Variants in GALNTL6 observed in about 807,000 individuals in gnomAD.
GALNTL6 encodes the protein polypeptide N-acetylgalactosaminyltransferase like 6, also known as polypeptide N-acetylgalactosaminyltransferase-like 6.
GALNTL6 carries 46 observed loss-of-function variants against 73.7 expected under a neutral mutation model. The ratio of observed to expected loss-of-function variants is 0.62; its 90% CI spans 0.49 to 0.80. The LOEUF is 0.80. GALNTL6 is among the 30% of genes least tolerant of loss of function. GALNTL6 has a pLI of 0.00. For missense variants in GALNTL6, 604 were observed against 755.0 expected, an observed-to-expected ratio of 0.80 and a Z score of 2.34; for synonymous variants, 259 against 263.7, an observed-to-expected ratio of 0.98 and a Z score of 0.17.
At chr4:172,596,425 A>C (rs936979010) in intron 5 of GALNTL6, among the ~76,000 whole-genome samples, 19 of 150,732 alleles carry the variant, frequency 1.3e-4, no homozygotes, top group African/African-American at 4.4e-4. Flanking sequence ...TGCCTGGGCA[A>C]CAGAGGGAGA....
chr4:172,208,399 ATAAT>A (rs915304301), intron 2 of GALNTL6, among the ~76,000 whole-genome samples: 8 of 152,222 alleles, frequency 5.3e-5, no homozygotes, highest in South Asian at 2.1e-4. Flanking sequence ...TTCTTAAAAC[ATAAT>A]TAAATAAAAG....
At chr4:172,900,437 C>T (rs1218925867) in intron 8 of GALNTL6, among the ~76,000 whole-genome samples, 2 of 152,068 alleles carry the variant, frequency 1.3e-5, no homozygotes, top group African/African-American at 4.8e-5. Context: ...CTTTTGATCC[C>T]TACCTAATGG....
At chr4:171,816,739 T>C (rs1579478401) in intron 2 of GALNTL6, among the ~76,000 whole-genome samples, 1 of 152,110 alleles carries the variant, frequency 6.6e-6, no homozygotes, top group Admixed American at 6.5e-5. Flanking sequence ...TAATGAAAAA[T>C]ATAATTCACT....
chr4:172,797,426 G>A (rs1013575539), intron 5 of GALNTL6, among the ~76,000 whole-genome samples: 7 of 151,868 alleles, frequency 4.6e-5, no homozygotes, highest in Non-Finnish European at 8.8e-5. Flanking sequence ...TTGTATTTTA[G>A]TAGAGACAGG....
intron 2 of GALNTL6, among the ~76,000 whole-genome samples, chr4:171,951,971 G>A (rs903952192): frequency 1.3e-5 from 2 of 151,908 alleles, no homozygotes; most frequent in Non-Finnish European, 2.9e-5. Context: ...TTTTAAAAAT[G>A]AAAGTTTGGA....
chr4:172,048,302 T>TA (rs577131755), intron 2 of GALNTL6, among the ~76,000 whole-genome samples: 89 of 152,102 alleles, frequency 5.9e-4, no homozygotes, highest in African/African-American at 2.1e-3. Context: ...TCCATGAACT[T>TA]AAAAAAAGGG....
chr4:171,848,683 A>G (rs1735439884), intron 2 of GALNTL6, among the ~76,000 whole-genome samples: 1 of 152,178 alleles, frequency 6.6e-6, no homozygotes, highest in Non-Finnish European at 1.5e-5. Flanking sequence ...AAACCTCATG[A>G]ACCAACCTCT....
At chr4:172,209,430 C>A in intron 2 of GALNTL6, among the ~76,000 whole-genome samples, 2 of 123,084 alleles carry the variant, frequency 1.6e-5, no homozygotes. Context: ...AAGGAGGACC[C>A]AGGGTCTCTG....
chr4:172,746,578 T>C (rs1415773499), intron 5 of GALNTL6, among the ~76,000 whole-genome samples: 1 of 152,124 alleles, frequency 6.6e-6, no homozygotes, highest in Non-Finnish European at 1.5e-5. Flanking sequence ...ATTTTGCAGT[T>C]CTTAGCTACC....
chr4:172,583,487 T>G (rs1001351398), intron 5 of GALNTL6, among the ~76,000 whole-genome samples: 7 of 152,230 alleles, frequency 4.6e-5, no homozygotes, highest in African/African-American at 1.7e-4. Flanking sequence ...CCATTTTAAA[T>G]TTTAATATCT....
intron 2 of GALNTL6, among the ~76,000 whole-genome samples, chr4:172,139,717 A>C (rs1415599545): frequency 6.6e-6 from 1 of 152,194 alleles, no homozygotes; most frequent in Non-Finnish European, 1.5e-5. Flanking sequence ...ATATTTCTTC[A>C]AAGGATTGAA....
At chr4:172,041,493 T>G (rs999411979) in intron 2 of GALNTL6, among the ~76,000 whole-genome samples, 1 of 152,116 alleles carries the variant, frequency 6.6e-6, no homozygotes, top group African/African-American at 2.4e-5. Flanking sequence ...TACAGACATT[T>G]GTAATCCACT....
At chr4:172,219,899 C>T (rs565165570) in intron 2 of GALNTL6, among the ~76,000 whole-genome samples, 1 of 151,982 alleles carries the variant, frequency 6.6e-6, no homozygotes, top group African/African-American at 2.4e-5. Context: ...GCTTGCTTAC[C>T]CACGTAAGAA....
chr4:172,772,352 C>G (rs964090628), intron 5 of GALNTL6, among the ~76,000 whole-genome samples: 1 of 152,194 alleles, frequency 6.6e-6, no homozygotes, highest in African/African-American at 2.4e-5. Context: ...TAAAGCTAAT[C>G]TAGATGCCTC....
intron 2 of GALNTL6, among the ~76,000 whole-genome samples, chr4:172,000,974 T>C (rs1302271574): frequency 6.6e-6 from 1 of 152,164 alleles, no homozygotes; most frequent in Non-Finnish European, 1.5e-5. Flanking sequence ...AGAAAGTTGT[T>C]GAGAAAGATA....
intron 5 of GALNTL6, among the ~76,000 whole-genome samples, chr4:172,642,518 A>T (rs1740036047): frequency 6.6e-6 from 1 of 151,986 alleles, no homozygotes; most frequent in South Asian, 2.1e-4. Flanking sequence ...GTGGAATCTT[A>T]AAAAGTCAAA....
At chr4:172,044,176 AT>A (rs1742158189) in intron 2 of GALNTL6, among the ~76,000 whole-genome samples, 1 of 151,972 alleles carries the variant, frequency 6.6e-6, no homozygotes, top group African/African-American at 2.4e-5. Context: ...ATTCTACCAT[AT>A]TTTAGTTACT....
intron 2 of GALNTL6, among the ~76,000 whole-genome samples, chr4:172,166,098 G>A (rs13104748): frequency 0.14 from 21,982 of 152,156 alleles, 1,825 homozygotes; most frequent in East Asian, 0.3. Flanking sequence ...TTATGTGTTC[G>A]TAATATGGCT....
intron 2 of GALNTL6, among the ~76,000 whole-genome samples, chr4:172,148,091 A>G (rs1733976207): frequency 6.6e-6 from 1 of 152,192 alleles, no homozygotes; most frequent in Non-Finnish European, 1.5e-5. Flanking sequence ...AAAGAATCAC[A>G]AAAAATTTTG....
Sources: allele counts gnomAD v4.1 joint callset (sites outside exome capture counted in the v4.1 genomes callset), GRCh38; gene constraint gnomAD v4.1.1; transcripts MANE v1.5; gene names NCBI Gene and HGNC (gene_info 2026-07-23, HGNC 2026-07-21).